The following ARHGAP23 variants were observed in gnomAD, a reference collection of about 807,000 sequenced individuals.
ARHGAP23 encodes the protein Rho GTPase activating protein 23.
ARHGAP23 carries 34 observed loss-of-function variants against 136.3 expected under a neutral mutation model. The ratio of observed to expected loss-of-function variants is 0.25; its 90% CI spans 0.19 to 0.33. The LOEUF is 0.33. Among genes scored for constraint, ARHGAP23 ranks in the 10% least tolerant of loss-of-function variants. ARHGAP23 has a pLI of 1.00. For missense variants in ARHGAP23, 1,808 were observed against 2,139.0 expected (o/e 0.85, Z 3.05); for synonymous variants, 832 against 920.5 (o/e 0.90, Z 1.74).
chr17:38,482,177 CA>C (rs2040060222), intron 15 of ARHGAP23, 34 bp downstream of exon 15: 2 of 1,540,748 alleles, frequency 1.3e-6, no homozygotes, highest in Non-Finnish European at 1.7e-6. Flanking sequence ...GCAGGCCCAG[CA>C]GGGGGAGACC....
At chr17:38,473,300 G>A (rs1158323730) in intron 11 of ARHGAP23, among the ~76,000 whole-genome samples, 2 of 151,894 alleles carry the variant, frequency 1.3e-5, no homozygotes, top group Admixed American at 6.6e-5. Context: ...GGGGTCTTGG[G>A]GGTCCCTGGA....
intron 1 of ARHGAP23, among the ~76,000 whole-genome samples, chr17:38,446,959 G>A (rs2039048826): frequency 6.6e-6 from 1 of 152,044 alleles, no homozygotes; most frequent in South Asian, 2.1e-4. Flanking sequence ...GACTACAAGT[G>A]TGTGCCATCA....
intron 1 of ARHGAP23, among the ~76,000 whole-genome samples, chr17:38,444,645 G>A (rs1482947167): frequency 1.3e-5 from 2 of 152,072 alleles, no homozygotes; most frequent in African/African-American, 2.4e-5. Context: ...CCCCCTGTGC[G>A]GGGACCTCTA....
In ARHGAP23 at chr17:38,479,573, C is replaced by G. The variant is rs923683213; in HGVS notation, c.2498+76C>G. On this transcript the variant is annotated intron_variant, in intron 13 of 23. Transcript: ENST00000622683. ...CTGAAGGCAAAGGATGTCTTCCTGG[C>G]CCACCTCCAGGGCTGCCCTCTGCTG... 7 of 1,488,124 alleles carry G rather than the reference C, an allele frequency of 4.7e-6. No homozygotes were observed. In the African/African-American group the frequency reaches 5.6e-5, roughly 12 times the overall value. The allele number at this position is 1,488,124 out of a possible 1,614,324, so 92.2% of individuals were successfully genotyped here.
chr17:38,466,157 C>A lies in ARHGAP23; in HGVS notation c.484-10C>A. ...TGGCCCTGCTTACCTGTCTCTGTGT[C>A]TCTGGCCAGGCCTACTCCCAGGATG... On this transcript the variant is annotated splice_polypyrimidine_tract_variant and intron_variant, in intron 6 of 23. Transcript: ENST00000622683. 1 of 1,473,668 alleles carries A rather than the reference C, an allele frequency of 6.8e-7. No homozygotes were observed. The highest frequency in any genetic ancestry group is 9.1e-7 in the Non-Finnish European group (1 of 1,104,418). The allele number at this position is 1,473,668 out of a possible 1,614,324, so 91.3% of individuals were successfully genotyped here. A position where few individuals can be genotyped will look rare whatever the true frequency, so the allele number is the denominator to read the frequency against.
rs78784153 is a variant in ARHGAP23, at chr17:38,430,354, G to A, written c.63+1806G>A. Among the ~76,000 whole-genome samples the A allele has an allele frequency of 1.5e-3, 224 of 152,138 alleles. 7 individuals carry two copies. The East Asian group carries it at 0.041, about 28-fold the overall frequency. On this transcript the variant is annotated intron_variant, in intron 1 of 23. Transcript: ENST00000622683. Reference sequence around the variant, plus strand: ...TACGGGAATAGGTCAGGCTTGTGTGGATCCCAGCCCAAGCAGAGAAGGACT... The same window carrying A: ...TACGGGAATAGGTCAGGCTTGTGTGAATCCCAGCCCAAGCAGAGAAGGACT...
chr17:38,490,342 G>C, intron 18 of ARHGAP23, 120 bp from the exon 19 acceptor site: 2 of 1,104,004 alleles, frequency 1.8e-6, no homozygotes, highest in Non-Finnish European at 2.7e-6. Context: ...CGGGGGGTTA[G>C]AGGATAGGTT....
At chr17:38,443,016 T>C (rs1200237963) in intron 1 of ARHGAP23, among the ~76,000 whole-genome samples, 1 of 152,212 alleles carries the variant, frequency 6.6e-6, no homozygotes, top group African/African-American at 2.4e-5. Context: ...TTTTTCAGGC[T>C]GCTATCTCTG....
intron 19 of ARHGAP23, among the ~76,000 whole-genome samples, chr17:38,491,160 A>G (rs2040270591): frequency 6.6e-6 from 1 of 152,078 alleles, no homozygotes; most frequent in Non-Finnish European, 1.5e-5. Flanking sequence ...GGCACTGACC[A>G]CTCAGGGCTG....
intron 1 of ARHGAP23, 44 bp downstream of exon 1, chr17:38,428,592 T>G (rs1415018342): frequency 3.1e-6 from 4 of 1,297,560 alleles, no homozygotes; most frequent in Middle Eastern, 2.8e-4. Context: ...CGGTAGCTGC[T>G]GGGGAGCGGG....
chr17:38,431,387 C>T (rs2038682775), intron 1 of ARHGAP23, among the ~76,000 whole-genome samples: 1 of 152,158 alleles, frequency 6.6e-6, no homozygotes, highest in South Asian at 2.1e-4. Context: ...AAGATATTGG[C>T]TTGGTCAGGG....
chr17:38,448,757 C>A (rs1199914773), intron 1 of ARHGAP23, among the ~76,000 whole-genome samples: 1 of 148,796 alleles, frequency 6.7e-6, no homozygotes, highest in Admixed American at 6.6e-5. Context: ...GTGATCTTCC[C>A]ACCTTAGCCT....
intron 17 of ARHGAP23, 116 bp from the exon 18 acceptor site, chr17:38,489,986 C>T: frequency 1.0e-6 from 1 of 952,886 alleles, no homozygotes; most frequent in Non-Finnish European, 1.6e-6. Flanking sequence ...GTCGCCCACG[C>T]TGGAGCCCCC....
chr17:38,455,445 C>T (rs1289070576), intron 1 of ARHGAP23, among the ~76,000 whole-genome samples: 3 of 152,106 alleles, frequency 2.0e-5, no homozygotes, highest in Non-Finnish European at 4.4e-5. Flanking sequence ...GAGGAGGGGA[C>T]CCGGAGAGGA....
intron 1 of ARHGAP23, among the ~76,000 whole-genome samples, chr17:38,453,096 G>T (rs1293378135): frequency 6.6e-6 from 1 of 152,230 alleles, no homozygotes; most frequent in East Asian, 1.9e-4. Context: ...TGTTGTGGGG[G>T]TCCCTGTGGG....
chr17:38,505,468 C>T (rs2040613866), intron 23 of ARHGAP23, among the ~76,000 whole-genome samples: 2 of 152,152 alleles, frequency 1.3e-5, no homozygotes, highest in South Asian at 4.1e-4. Context: ...GCTCTGATTT[C>T]CCCGGCCCTG....
chr17:38,469,732 G>A, intron 9 of ARHGAP23, 97 bp downstream of exon 9: 1 of 1,504,854 alleles, frequency 6.6e-7, no homozygotes, highest in Non-Finnish European at 9.0e-7. Context: ...TCTATGCATG[G>A]GACAGTGTGC....
Position 38,446,805 on chromosome 17 carries a change from A to T in ARHGAP23, c.64-11297A>T, listed in dbSNP as rs966847651. The stretch of plus-strand genomic sequence containing the variant: ...AGCAACTCCACCATTTTATTTATTT[A>T]TTTTTTATTGCTTTTTTAGAGAGGG... On this transcript the variant is annotated intron_variant, in intron 1 of 23. Transcript: ENST00000622683. Among the ~76,000 whole-genome samples, 11 of 151,620 alleles carry T rather than the reference A, an allele frequency of 7.3e-5. No individual in the cohort carries two copies. In the South Asian group the frequency reaches 1.7e-3, roughly 23 times the overall value.
Position 38,482,031 on chromosome 17 carries a change from C to T in ARHGAP23, c.2639C>T (p.Ala880Val). 1 of 1,540,362 alleles carries T rather than the reference C, an allele frequency of 6.5e-7. No homozygotes were observed. Among genetic ancestry groups the T allele is most frequent in the Non-Finnish European group, 8.7e-7 (1 of 1,143,200 alleles). Residue 880 changes from alanine to valine, a missense_variant, in exon 15 of 24, where the codon GCT (alanine) becomes GTT (valine). This residue lies in a region of ARHGAP23 where 73 missense variants were observed against 82.5 expected (regional missense o/e 0.88). Transcript: ENST00000622683. ...DLPAGSKDDS[A>V]AAPKTPWGIN... ...GTCTCCCCCACTTCAGATGACAGTG[C>T]TGCAGCCCCCAAAACCCCCTGGGGC... is the stretch of plus-strand genomic sequence containing the variant.
Sources: gnomAD v4.1 joint callset for allele counts (sites outside exome capture counted in the v4.1 genomes callset) on GRCh38, gnomAD v4.1.1 for gene constraint, gnomAD v4.1.1 regional missense constraint, MANE v1.5 for transcripts, NCBI Gene and HGNC (gene_info 2026-07-23, HGNC 2026-07-21) for gene names.